FAM227A: variants seen among roughly 807,000 people sequenced by gnomAD.
FAM227A encodes the protein protein FAM227A.
In FAM227A, 80 loss-of-function variants were observed where a neutral mutation model predicts 74.7. The observed-to-expected ratio is 1.07, with a 90% CI of 0.89 to 1.29. The LOEUF (loss-of-function observed/expected upper bound fraction) is 1.29, where lower values mean the gene tolerates loss of function less well. Among genes scored for constraint, FAM227A ranks in the 50% most tolerant of loss-of-function variants. FAM227A has a pLI of 0.00. For missense variants in FAM227A, 654 were observed against 683.4 expected, an observed-to-expected ratio of 0.96 and a Z score of 0.48; for synonymous variants, 237 against 241.8, an observed-to-expected ratio of 0.98 and a Z score of 0.19.
At chr22:38,633,146 A>G (rs2091944111) in intron 6 of FAM227A, among the ~76,000 whole-genome samples, 1 of 152,200 alleles carries the variant, frequency 6.6e-6, no homozygotes, top group South Asian at 2.1e-4. Context: ...GGATTTGAGG[A>G]GGTGAGTGAA....
intron 3 of FAM227A, among the ~76,000 whole-genome samples, chr22:38,645,048 C>T (rs577168331): frequency 6.7e-6 from 1 of 150,056 alleles, no homozygotes; most frequent in East Asian, 2.0e-4. Flanking sequence ...CATCGCACCA[C>T]TGCACTCCAG....
intron 11 of FAM227A, 72 bp from the exon 12 acceptor site, chr22:38,607,548 A>G (rs2091311889): frequency 9.5e-7 from 1 of 1,054,036 alleles, no homozygotes; most frequent in African/African-American, 1.6e-5. Flanking sequence ...TGGCAGTGAG[A>G]GAAATACAAA....
At chr22:38,623,764 CT>C (rs2091740996) in intron 9 of FAM227A, among the ~76,000 whole-genome samples, 1 of 152,218 alleles carries the variant, frequency 6.6e-6, no homozygotes, top group Non-Finnish European at 1.5e-5. Context: ...AGTGGGTCTT[CT>C]TCTTTATACC....
At chr22:38,622,182 G>A (rs1016706170) in intron 10 of FAM227A, among the ~76,000 whole-genome samples, 1 of 152,218 alleles carries the variant, frequency 6.6e-6, no homozygotes, top group African/African-American at 2.4e-5. Flanking sequence ...GTTTAAATGA[G>A]CCTGCAGAAC....
In FAM227A at chr22:38,580,228, CCT is replaced by C. The variant is rs2090695341; in HGVS notation, c.*5895_*5896del. On this transcript the variant is annotated 3_prime_UTR_variant, in exon 17 of 17. Coordinates refer to ENST00000535113, the MANE Select transcript of FAM227A (RefSeq NM_001013647.2). ...GGCCACCATGCTCGGCAACCGATGT[CCT>C]CTTTTAAGTCTCTTTTAATCTATAT... 1 of 152,142 alleles carries C rather than the reference CCT, an allele frequency of 6.6e-6. No individual in the cohort carries two copies. Among genetic ancestry groups the C allele is most frequent in the African/African-American group, 2.4e-5 (1 of 41,394 alleles). The allele number at this position is 152,142 out of a possible 1,614,324, so 9.4% of individuals were successfully genotyped here.
At chr22:38,655,816 T>TG (rs1190550431) in intron 1 of FAM227A, among the ~76,000 whole-genome samples, 2 of 152,146 alleles carry the variant, frequency 1.3e-5, no homozygotes, top group African/African-American at 2.4e-5. Flanking sequence ...GAACTGCGCT[T>TG]GGAGTCAAAG....
At chr22:38,599,743 T>G (rs1359369295) in intron 14 of FAM227A, 21 bp downstream of exon 14, 18 of 1,546,784 alleles carry the variant, frequency 1.2e-5, no homozygotes, top group Non-Finnish European at 1.7e-6. Flanking sequence ...GTGCGCACCC[T>G]GCCCACAGTG....
intron 1 of FAM227A, among the ~76,000 whole-genome samples, chr22:38,654,363 A>C (rs770073553): frequency 1.3e-4 from 19 of 151,070 alleles, no homozygotes; most frequent in South Asian, 6.3e-4. Flanking sequence ...AAAAGAAAAA[A>C]TGGGGAGCGG....
intron 6 of FAM227A, among the ~76,000 whole-genome samples, chr22:38,631,116 C>T (rs140347350): frequency 6.6e-6 from 1 of 152,116 alleles, no homozygotes; most frequent in African/African-American, 2.4e-5. Context: ...TGCAGTGAGC[C>T]GAGATTGCAC....
At chr22:38,636,912 AG>A (rs1569230855) in intron 5 of FAM227A, among the ~76,000 whole-genome samples, 1 of 151,700 alleles carries the variant, frequency 6.6e-6, no homozygotes, top group Non-Finnish European at 1.5e-5. Flanking sequence ...CTGGGATTAC[AG>A]GTGCCCGCCA....
chr22:38,635,022 G>A (rs974194591), intron 6 of FAM227A, among the ~76,000 whole-genome samples: 3 of 151,984 alleles, frequency 2.0e-5, no homozygotes, highest in Non-Finnish European at 2.9e-5. Context: ...TGAGGCGGGC[G>A]GATCACAAGG....
chr22:38,618,548 G>A (rs1482326006), intron 11 of FAM227A: 1 of 152,146 alleles, frequency 6.6e-6, no homozygotes, highest in African/African-American at 2.4e-5. Context: ...GAAGTCCTGT[G>A]TCATGTAAAA....
rs2064078539 is a variant in FAM227A at position 38,580,893 on chromosome 22, C to T, written c.*5232G>A. The T allele has an allele frequency of 6.6e-6, 1 of 152,208 alleles. No homozygotes were observed. Among genetic ancestry groups the T allele is most frequent in the Admixed American group, 6.5e-5 (1 of 15,268 alleles). 9.4% of individuals were successfully genotyped at this position (152,208 alleles called of 1,614,324 possible). On this transcript the variant is annotated 3_prime_UTR_variant, in exon 17 of 17. Transcript: ENST00000535113. ...TCCCAAGTTCAAGTGATTCTTGTGTCTCGGCCTCCCGAATAGCTAGGATTC... is the reference window on the plus strand; with the variant it reads ...TCCCAAGTTCAAGTGATTCTTGTGTTTCGGCCTCCCGAATAGCTAGGATTC...
intron 3 of FAM227A, 70 bp downstream of exon 3, chr22:38,645,493 A>AAC: frequency 1.0e-6 from 1 of 999,374 alleles, no homozygotes; most frequent in Non-Finnish European, 1.5e-6. Context: ...AGGGCACTGC[A>AAC]ACACCTTGAT....
At chr22:38,634,573 G>A (rs927145905) in intron 6 of FAM227A, among the ~76,000 whole-genome samples, 1 of 152,188 alleles carries the variant, frequency 6.6e-6, no homozygotes, top group Non-Finnish European at 1.5e-5. Context: ...TACAGGAGAA[G>A]AAATTAAAGC....
chr22:38,637,296 AACT>A (rs2092027254), intron 5 of FAM227A, among the ~76,000 whole-genome samples: 1 of 152,204 alleles, frequency 6.6e-6, no homozygotes, highest in Non-Finnish European at 1.5e-5. Flanking sequence ...TAATTTAATT[AACT>A]ACTCACTGAT....
chr22:38,589,785 A>G (rs2090891715), intron 16 of FAM227A, among the ~76,000 whole-genome samples: 2 of 152,196 alleles, frequency 1.3e-5, no homozygotes, highest in Non-Finnish European at 2.9e-5. Flanking sequence ...TTAGAATTTT[A>G]TTTCCAGCAA....
intron 11 of FAM227A, among the ~76,000 whole-genome samples, chr22:38,609,215 A>G (rs1465004617): frequency 1.3e-5 from 2 of 152,230 alleles, no homozygotes; most frequent in Non-Finnish European, 1.5e-5. Flanking sequence ...AGGTTTCCAG[A>G]AACTGCCACA....
chr22:38,649,874 A>C, intron 2 of FAM227A, 153 bp downstream of exon 2: 1 of 729,702 alleles, frequency 1.4e-6, no homozygotes, highest in Non-Finnish European at 2.1e-6. Flanking sequence ...TCTCAAAAAA[A>C]AAAAAGAAAG....
Sources: allele counts gnomAD v4.1 joint callset (sites outside exome capture counted in the v4.1 genomes callset), GRCh38; gene constraint gnomAD v4.1.1; transcripts MANE v1.5; gene names NCBI Gene and HGNC (gene_info 2026-07-23, HGNC 2026-07-21).